ROBO1: variants seen among roughly 807,000 people sequenced by gnomAD.
ROBO1 encodes the protein roundabout homolog 1.
A neutral mutation model predicts 195.9 loss-of-function variants in ROBO1; 149 were observed. The ratio of observed to expected loss-of-function variants is 0.76; its 90% CI spans 0.67 to 0.87. The LOEUF (loss-of-function observed/expected upper bound fraction) is 0.87. Ranked by LOEUF, ROBO1 falls within the 40% of genes least tolerant of loss-of-function variation. The pLI, the probability that ROBO1 is intolerant of heterozygous loss-of-function variation, is 0.00. For missense variants in ROBO1, 1,933 were observed against 2,068.3 expected, an observed-to-expected ratio of 0.93 and a Z score of 1.27; for synonymous variants, 816 against 733.2, an observed-to-expected ratio of 1.11 and a Z score of -1.82.
chr3:79,116,290 T>C (rs1044318059), intron 3 of ROBO1, among the ~76,000 whole-genome samples: 1 of 151,218 alleles, frequency 6.6e-6, no homozygotes, highest in East Asian at 2.0e-4. Flanking sequence ...TTTTCTTTCT[T>C]TCTCTTTCTT....
intron 1 of ROBO1, among the ~76,000 whole-genome samples, chr3:79,767,486 G>T (rs1464165069): frequency 6.6e-6 from 1 of 152,168 alleles, no homozygotes; most frequent in Non-Finnish European, 1.5e-5. Flanking sequence ...TGCACAACTG[G>T]CAAGGAAGAA....
chr3:79,326,019 T>C (rs1214139222), intron 2 of ROBO1, among the ~76,000 whole-genome samples: 1 of 152,150 alleles, frequency 6.6e-6, no homozygotes, highest in Non-Finnish European at 1.5e-5. Context: ...CCGTCTACTA[T>C]GGTCGAGGCT....
At chr3:79,623,822 A>C (rs1434365930) in intron 1 of ROBO1, among the ~76,000 whole-genome samples, 1 of 152,194 alleles carries the variant, frequency 6.6e-6, no homozygotes, top group African/African-American at 2.4e-5. Flanking sequence ...ACGGGACAAC[A>C]TGCAAATTTA....
At chr3:79,297,677 C>G (rs182109592) in intron 2 of ROBO1, among the ~76,000 whole-genome samples, 1 of 152,142 alleles carries the variant, frequency 6.6e-6, no homozygotes, top group East Asian at 1.9e-4. Context: ...AACAAAATAC[C>G]ATTTCTCCAA....
intron 8 of ROBO1, among the ~76,000 whole-genome samples, chr3:78,694,633 A>T (rs1254363493): frequency 6.6e-6 from 1 of 152,214 alleles, no homozygotes; most frequent in Admixed American, 6.5e-5. Flanking sequence ...TGTTTATTAT[A>T]GCATCACCAG....
chr3:79,562,910 T>C (rs941802254), intron 2 of ROBO1, among the ~76,000 whole-genome samples: 11 of 152,000 alleles, frequency 7.2e-5, no homozygotes, highest in African/African-American at 1.9e-4. Context: ...TAAAGCATAT[T>C]GATCATAAAT....
At chr3:78,627,617 T>TA in intron 25 of ROBO1, 48 bp from the exon 26 acceptor site, 1 of 1,538,172 alleles carries the variant, frequency 6.5e-7, no homozygotes, top group African/African-American at 1.4e-5. Context: ...GTTATTCAAA[T>TA]AAACTATTTG....
At chr3:79,741,974 A>G (rs1184179880) in intron 1 of ROBO1, among the ~76,000 whole-genome samples, 1 of 152,212 alleles carries the variant, frequency 6.6e-6, no homozygotes, top group Middle Eastern at 3.2e-3. Flanking sequence ...TATATTTCTA[A>G]GCAGCAGAGT....
At chr3:78,844,873 C>G (rs985139273) in intron 4 of ROBO1, among the ~76,000 whole-genome samples, 1 of 151,990 alleles carries the variant, frequency 6.6e-6, no homozygotes, top group African/African-American at 2.4e-5. Flanking sequence ...AAAGCAGTCT[C>G]TAGAAAATGA....
chr3:78,973,198 G>A (rs1024573378), intron 3 of ROBO1, among the ~76,000 whole-genome samples: 2 of 151,558 alleles, frequency 1.3e-5, no homozygotes, highest in Non-Finnish European at 2.9e-5. Context: ...ATTAATTCCA[G>A]CTTTTCCTCC....
intron 8 of ROBO1, among the ~76,000 whole-genome samples, chr3:78,700,042 G>T (rs2081385888): frequency 6.6e-6 from 1 of 152,082 alleles, no homozygotes; most frequent in African/African-American, 2.4e-5. Flanking sequence ...TCCAAAATTA[G>T]CCTTGTGTTC....
intron 2 of ROBO1, among the ~76,000 whole-genome samples, chr3:79,280,112 G>A (rs888226625): frequency 2.0e-5 from 3 of 152,026 alleles, no homozygotes; most frequent in African/African-American, 7.2e-5. Flanking sequence ...CAGAAGATAG[G>A]GATAGGTAGA....
At chr3:79,201,003 C>T (rs116827390) in intron 2 of ROBO1, among the ~76,000 whole-genome samples, 1 of 151,832 alleles carries the variant, frequency 6.6e-6, no homozygotes, top group African/African-American at 2.4e-5. Context: ...CAGCAAATTC[C>T]GGATCCTGTA....
rs553568468 is a variant in ROBO1 at position 79,360,707 on chromosome 3, A to C, written c.88+229117T>G. On this transcript the variant is annotated intron_variant, in intron 2 of 30. Coordinates refer to ENST00000464233, the MANE Select transcript of ROBO1 (RefSeq NM_002941.4). ...TTATTGTCATCATTATATAGTTAGGAAACCTGAAGCATAATGCCATAAGAA... is the reference window on the plus strand; with the variant it reads ...TTATTGTCATCATTATATAGTTAGGCAACCTGAAGCATAATGCCATAAGAA... 1.4e-4 allele frequency among the ~76,000 whole-genome samples: 21 copies of C among 152,174 alleles called. No individual in the cohort carries two copies. The South Asian group carries it at 2.9e-3, about 21-fold the overall frequency.
intron 26 of ROBO1, among the ~76,000 whole-genome samples, chr3:78,624,189 G>A (rs1575794346): frequency 6.6e-6 from 1 of 152,108 alleles, no homozygotes; most frequent in African/African-American, 2.4e-5. Context: ...TATATAAGTA[G>A]AGAAGAAAGA....
chr3:79,745,371 T>A (rs928957630), intron 1 of ROBO1, among the ~76,000 whole-genome samples: 2 of 152,192 alleles, frequency 1.3e-5, no homozygotes, highest in African/African-American at 4.8e-5. Context: ...TAGAATCTGG[T>A]TCTTGTCTTT....
At chr3:79,746,437 T>C (rs554433643) in intron 1 of ROBO1, among the ~76,000 whole-genome samples, 58 of 152,170 alleles carry the variant, frequency 3.8e-4, no homozygotes, top group African/African-American at 1.3e-3. Context: ...TATTTTACAA[T>C]TCCTATTCTA....
At chr3:78,678,960 CA>C (rs1353562635) in intron 10 of ROBO1, among the ~76,000 whole-genome samples, 1 of 152,098 alleles carries the variant, frequency 6.6e-6, no homozygotes, top group East Asian at 1.9e-4. Flanking sequence ...AGTAGCACAT[CA>C]AAAAGCTTAT....
At chr3:79,088,421 G>C (rs556580456) in intron 3 of ROBO1, among the ~76,000 whole-genome samples, 8 of 152,052 alleles carry the variant, frequency 5.3e-5, no homozygotes, top group Non-Finnish European at 1.2e-4. Context: ...TTAAATTGTA[G>C]TTCTTCGAGT....
Sources: gnomAD v4.1 joint callset for allele counts (sites outside exome capture counted in the v4.1 genomes callset) on GRCh38, gnomAD v4.1.1 for gene constraint, MANE v1.5 for transcripts, NCBI Gene and HGNC (gene_info 2026-07-23, HGNC 2026-07-21) for gene names.